Variants in TUBB3 observed in about 807,000 individuals in gnomAD.
TUBB3 encodes tubulin beta-3 chain.
In TUBB3, 17 loss-of-function variants were observed where a neutral mutation model predicts 37.8. The ratio of observed to expected loss-of-function variants is 0.45; its 90% confidence interval spans 0.31 to 0.67. The LOEUF (loss-of-function observed/expected upper bound fraction) is 0.67, where lower values mean the gene tolerates loss of function less well. Ranked by LOEUF, TUBB3 falls within the 30% of genes least tolerant of loss-of-function variation. The pLI is 0.07. For missense variants in TUBB3, 262 were observed against 657.9 expected (o/e 0.40, Z 6.58); for synonymous variants, 332 against 278.9 (o/e 1.19, Z -1.90).
intron 2 of TUBB3, chr16:89,933,118 C>T (rs1361961862): frequency 1.8e-6 from 1 of 553,170 alleles, no homozygotes; most frequent in South Asian, 1.6e-5. Flanking sequence ...TTAATAGAGA[C>T]AGTCTCGATA....
chr16:89,924,913 GCAT>G (rs1045910956), intron 1 of TUBB3, among the ~76,000 whole-genome samples: 22 of 150,834 alleles, frequency 1.5e-4, no homozygotes, highest in Admixed American at 1.4e-3. Flanking sequence ...CCTCCCCTGA[GCAT>G]CTGCTCCTGG....
At chr16:89,927,889 G>T (rs1469800146) in intron 1 of TUBB3, among the ~76,000 whole-genome samples, 1 of 152,222 alleles carries the variant, frequency 6.6e-6, no homozygotes, top group Non-Finnish European at 1.5e-5. Flanking sequence ...TACAGGGGCT[G>T]GTGGTTGTGG....
At chr16:89,933,052 A>G (rs1158437015) in intron 2 of TUBB3, 1 of 464,164 alleles carries the variant, frequency 2.2e-6, no homozygotes, top group Non-Finnish European at 4.0e-6. Context: ...TTCCATATCA[A>G]AGTGGTGATA....
At chr16:89,928,818 G>A (rs2030180033) in intron 1 of TUBB3, among the ~76,000 whole-genome samples, 1 of 150,246 alleles carries the variant, frequency 6.7e-6, no homozygotes, top group African/African-American at 2.5e-5. Context: ...GTGAGCCACT[G>A]CGTCTGGCCT....
At chr16:89,930,298 T>C (rs1291241402) in intron 1 of TUBB3, among the ~76,000 whole-genome samples, 1 of 151,296 alleles carries the variant, frequency 6.6e-6, no homozygotes, top group African/African-American at 2.4e-5. Flanking sequence ...AGAGATGGAG[T>C]TTCACTATGT....
intron 3 of TUBB3, chr16:89,934,408 C>T (rs1182955556): frequency 1.9e-6 from 1 of 539,846 alleles, no homozygotes; most frequent in Non-Finnish European, 3.6e-6. Context: ...GGGCTCCTGG[C>T]ACTGCCAGTC....
rs143328134 is a variant in TUBB3 at position 89,935,772 on chromosome 16, G to A, written c.1321G>A (p.Glu441Lys). Residue 441 changes from glutamate to lysine, a missense_variant, in exon 4 of 4, where the codon GAG (glutamate) becomes AAG (lysine). Glu to Lys is a moderately conservative substitution (Grantham distance 56). Coordinates refer to ENST00000315491, the MANE Select transcript of TUBB3 (RefSeq NM_006086.4). ...EEEGEMYEDD[E>K]EESEAQGPK ...AGAGGGCGAGATGTACGAAGACGAC[G>A]AGGAGGAGTCGGAGGCCCAGGGCCC... The A allele has an allele frequency of 6.8e-6, 11 of 1,613,808 alleles. No homozygotes were observed. The highest frequency in any genetic ancestry group is 1.3e-5 in the African/African-American group (1 of 75,062).
rs757314500 is a variant in TUBB3, at chr16:89,935,750, G to A, written c.1299G>A (p.Glu433=). ...ACCAGGACGCCACGGCCGAGGAAGA[G>A]GGCGAGATGTACGAAGACGACGAGG... The part of the protein sequence containing the change: ...QQYQDATAEE[E]GEMYEDDEEE... Residue 433 remains glutamate (E), a synonymous_variant, in exon 4 of 4, where the codon GAG becomes GAA. Coordinates refer to ENST00000315491, the MANE Select transcript of TUBB3 (RefSeq NM_006086.4). 6.2e-7 allele frequency: 1 copy of A among 1,613,970 alleles called. No homozygotes were observed. The highest frequency in any genetic ancestry group is 1.1e-5 in the South Asian group (1 of 91,082).
At chr16:89,934,496 G>T in intron 3 of TUBB3, 1 of 641,754 alleles carries the variant, frequency 1.6e-6, no homozygotes, top group Non-Finnish European at 2.9e-6. Context: ...TCGCTCTGCT[G>T]TGACCCCAAG....
chr16:89,932,949 A>C (rs1236702301), intron 2 of TUBB3: 1 of 541,236 alleles, frequency 1.8e-6, no homozygotes, highest in Non-Finnish European at 3.3e-6. Flanking sequence ...GGGATGGGGC[A>C]GGCCAGAGAC....
At chr16:89,922,633 C>T (rs1023067060), upstream of TUBB3, 2 of 152,366 alleles carry the variant, frequency 1.3e-5, no homozygotes, top group Admixed American at 6.5e-5. Flanking sequence ...GGCAGTGGCA[C>T]GTCCAGGTGC....
chr16:89,926,505 T>A (rs896345118), intron 1 of TUBB3, among the ~76,000 whole-genome samples: 13 of 152,218 alleles, frequency 8.5e-5, no homozygotes, highest in African/African-American at 2.9e-4. Flanking sequence ...CTGCGCGAGG[T>A]CAGCACCAAG....
intron 1 of TUBB3, among the ~76,000 whole-genome samples, chr16:89,925,662 C>A (rs1025867065): frequency 2.2e-4 from 34 of 152,048 alleles, no homozygotes; most frequent in African/African-American, 8.2e-4. Flanking sequence ...TTCTCGGGGG[C>A]GGGGGCGGCA....
intron 1 of TUBB3, 55 bp from the exon 2 acceptor site, chr16:89,932,516 G>C (rs1411929589): frequency 1.2e-5 from 17 of 1,468,216 alleles, no homozygotes; most frequent in Non-Finnish European, 1.6e-5. Context: ...AAGGGAAAGG[G>C]CCTGGCTGGG....
rs2030385718 is a variant in TUBB3, at chr16:89,934,518, C to CCA, written c.278-211_278-210insCA. On this transcript the variant is annotated intron_variant, in intron 3 of 3. Coordinates refer to ENST00000315491, the MANE Select transcript of TUBB3 (RefSeq NM_006086.4). ...GCTGTGACCCCAAGTTCTCAAGACT[C>CCA]TGTCCAGAGCCCTCGTCCTGAGCAC... The CCA allele has an allele frequency of 6.2e-6, 4 of 645,626 alleles. No homozygotes were observed. The African/African-American group carries it at 7.2e-5, about 12-fold the overall frequency. The allele number at this position is 645,626 out of a possible 1,614,324, so 40.0% of individuals were successfully genotyped here.
intron 1 of TUBB3, among the ~76,000 whole-genome samples, chr16:89,928,454 G>A (rs959486081): frequency 6.6e-6 from 1 of 151,852 alleles, no homozygotes; most frequent in African/African-American, 2.4e-5. Context: ...CACCTCCTGG[G>A]TTCAAGCAAT....
At chr16:89,924,437 C>T (rs973208444) in intron 1 of TUBB3, among the ~76,000 whole-genome samples, 1 of 147,824 alleles carries the variant, frequency 6.8e-6, no homozygotes, top group African/African-American at 2.6e-5. Flanking sequence ...AGGATCTGCC[C>T]TCCGAACAGT....
At chr16:89,926,302 G>A (rs1459242373) in intron 1 of TUBB3, among the ~76,000 whole-genome samples, 1 of 152,222 alleles carries the variant, frequency 6.6e-6, no homozygotes, top group East Asian at 1.9e-4. Context: ...CCAATGGGAG[G>A]CGGAGTCCCT....
intron 3 of TUBB3, 97 bp downstream of exon 3, chr16:89,933,675 G>C (rs1052691454): frequency 1.8e-5 from 17 of 938,664 alleles, no homozygotes; most frequent in Non-Finnish European, 2.8e-5. Context: ...GGAATGGTCA[G>C]CTCCTCACAT....
Sources: allele counts gnomAD v4.1 joint callset (sites outside exome capture counted in the v4.1 genomes callset), GRCh38; gene constraint gnomAD v4.1.1; transcripts MANE v1.5; gene names NCBI Gene and HGNC (gene_info 2026-07-23, HGNC 2026-07-21).